The following UBE2D3 variants were observed in gnomAD, a reference collection of about 807,000 sequenced individuals.
The protein encoded by UBE2D3 is ubiquitin conjugating enzyme E2 D3.
In UBE2D3, 2 loss-of-function variants were observed where a neutral mutation model predicts 22.8. The ratio of observed to expected loss-of-function variants is 0.09; its 90% CI spans 0.04 to 0.28. The LOEUF (loss-of-function observed/expected upper bound fraction) is 0.28, where lower values mean the gene tolerates loss of function less well. Ranked by LOEUF, UBE2D3 falls within the 10% of genes least tolerant of loss-of-function variation. UBE2D3 has a pLI of 1.00. For synonymous variants in UBE2D3, 56 were observed against 60.4 expected (o/e 0.93, Z 0.34); for missense variants, 27 against 182.5 (o/e 0.15, Z 4.91).
At chr4:102,853,515 CATT>C (rs1315508075) in intron 1 of UBE2D3, among the ~76,000 whole-genome samples, 2 of 152,160 alleles carry the variant, frequency 1.3e-5, no homozygotes, top group Admixed American at 6.5e-5. Context: ...TAAGGAATCT[CATT>C]ATGGAGTTAC....
intron 1 of UBE2D3, among the ~76,000 whole-genome samples, chr4:102,838,250 A>G (rs969487772): frequency 2.0e-5 from 3 of 152,328 alleles, no homozygotes; most frequent in African/African-American, 7.2e-5. Flanking sequence ...GAGGTATGCT[A>G]TACCTTTTAC....
chr4:102,804,980 C>T (rs1051654897), intron 4 of UBE2D3, among the ~76,000 whole-genome samples: 1 of 152,090 alleles, frequency 6.6e-6, no homozygotes, highest in Non-Finnish European at 1.5e-5. Flanking sequence ...CCACCATGCC[C>T]GGCCCCAAAC....
chr4:102,839,762 C>T (rs1731636025), intron 1 of UBE2D3, among the ~76,000 whole-genome samples: 1 of 152,042 alleles, frequency 6.6e-6, no homozygotes, highest in Admixed American at 6.6e-5. Flanking sequence ...GCTAAGACCT[C>T]AAAAGCACAA....
chr4:102,830,958 G>C (rs1001008556), upstream of UBE2D3, among the ~76,000 whole-genome samples: 1 of 152,146 alleles, frequency 6.6e-6, no homozygotes, highest in Admixed American at 6.5e-5. Flanking sequence ...GTGAGGCCAC[G>C]TTATTATAAT....
chr4:102,849,835 CA>C (rs1732250874), intron 1 of UBE2D3, among the ~76,000 whole-genome samples: 2 of 152,144 alleles, frequency 1.3e-5, no homozygotes, highest in Admixed American at 1.3e-4. Context: ...GGAGCAGTGA[CA>C]GGGGACGGGG....
upstream of UBE2D3, chr4:102,827,584 C>T (rs969645794): frequency 1.0e-6 from 1 of 985,258 alleles, no homozygotes; most frequent in Non-Finnish European, 1.2e-6. Context: ...CCCTCCCCCT[C>T]CTCCTGCCTC....
intron 1 of UBE2D3, among the ~76,000 whole-genome samples, chr4:102,851,455 G>C (rs1199333452): frequency 6.6e-6 from 1 of 152,204 alleles, no homozygotes; most frequent in African/African-American, 2.4e-5. Flanking sequence ...TCACAGTGTG[G>C]TGAGAGAGAA....
intron 1 of UBE2D3, among the ~76,000 whole-genome samples, chr4:102,834,106 A>G (rs1731259256): frequency 6.6e-6 from 1 of 152,158 alleles, no homozygotes; most frequent in Non-Finnish European, 1.5e-5. Context: ...TTTCTTTTTT[A>G]GTGCCAGATC....
chr4:102,828,039 C>G (rs944118282), upstream of UBE2D3: 39 of 985,350 alleles, frequency 4.0e-5, no homozygotes, highest in Admixed American at 6.1e-5. Flanking sequence ...TGCGCTTTTC[C>G]TGACGGGGTT....
upstream of UBE2D3, among the ~76,000 whole-genome samples, chr4:102,829,202 C>T (rs1022802571): frequency 8.5e-5 from 13 of 152,174 alleles, no homozygotes; most frequent in African/African-American, 2.4e-4. Context: ...TGAGAGCCTA[C>T]ATTTCTAACT....
At chr4:102,827,929 C>A, upstream of UBE2D3, 1 of 985,556 alleles carries the variant, frequency 1.0e-6, no homozygotes, top group Non-Finnish European at 1.2e-6. Context: ...CCACAGCGTC[C>A]CCCAGTTTCC....
intron 2 of UBE2D3, among the ~76,000 whole-genome samples, chr4:102,815,763 A>G (rs1728700661): frequency 6.6e-6 from 1 of 152,206 alleles, no homozygotes; most frequent in Non-Finnish European, 1.5e-5. Context: ...CTCTTTAGTA[A>G]TAATCAAAGA....
intron 6 of UBE2D3, 79 bp downstream of exon 6, chr4:102,801,371 TAATA>T: frequency 8.2e-7 from 1 of 1,213,352 alleles, no homozygotes; most frequent in Non-Finnish European, 1.2e-6. Context: ...AAAGCTGCCA[TAATA>T]AAAATACTCA....
intron 5 of UBE2D3, chr4:102,801,794 G>C (rs1726192443): frequency 2.9e-6 from 1 of 341,938 alleles, no homozygotes; most frequent in African/African-American, 2.2e-5. Flanking sequence ...AGTTCTAAAG[G>C]TTACTGTGGC....
At chr4:102,830,689 C>T (rs1354478904), upstream of UBE2D3, among the ~76,000 whole-genome samples, 1 of 152,112 alleles carries the variant, frequency 6.6e-6, no homozygotes, top group Non-Finnish European at 1.5e-5. Flanking sequence ...CATAGGGTGA[C>T]CCAGTCTCTA....
Position 102,799,399 on chromosome 4 carries a change from A to C in UBE2D3, c.398+8T>G, listed in dbSNP as rs766735162. On this transcript the variant is annotated splice_region_variant and intron_variant, in intron 7 of 7. Coordinates refer to ENST00000453744, the MANE Select transcript of UBE2D3 (RefSeq NM_181891.3). The stretch of plus-strand genomic sequence containing the variant: ...ACCACTTTTATAATAACTTTTTAAC[A>C]TACTTACTTATCTCTGTCTGTTTTA... The C allele has an allele frequency of 6.2e-7, 1 of 1,608,532 alleles. No individual in the cohort carries two copies. Among genetic ancestry groups the C allele is most frequent in the East Asian group, 2.2e-5 (1 of 44,792 alleles).
chr4:102,799,178 C>T (rs1057295180), intron 7 of UBE2D3, among the ~76,000 whole-genome samples: 4 of 151,434 alleles, frequency 2.6e-5, no homozygotes, highest in African/African-American at 9.7e-5. Flanking sequence ...TACTGTTTAA[C>T]ACGCTAGGAA....
Position 102,827,416 on chromosome 4 carries a change from C to A in UBE2D3, c.-129+11G>T. 1.0e-6 allele frequency: 1 copy of A among 986,142 alleles called. No individual in the cohort carries two copies. 61.1% of individuals were successfully genotyped at this position (986,142 alleles called of 1,614,324 possible). ...CCCTTCCCTGCCCTAGCCGTCCACACCCACGCGTACAGAGGGGCCGGGGCC... is the reference window on the plus strand; with the variant it reads ...CCCTTCCCTGCCCTAGCCGTCCACAACCACGCGTACAGAGGGGCCGGGGCC... On this transcript the variant is annotated intron_variant, in intron 1 of 7. Transcript: ENST00000453744.
At chr4:102,835,347 T>G (rs922968265) in intron 1 of UBE2D3, among the ~76,000 whole-genome samples, 1 of 152,254 alleles carries the variant, frequency 6.6e-6, no homozygotes, top group Non-Finnish European at 1.5e-5. Context: ...GTATAAGTTA[T>G]ATGCAAATAT....
Sources: allele counts gnomAD v4.1 joint callset (sites outside exome capture counted in the v4.1 genomes callset), GRCh38; gene constraint gnomAD v4.1.1; transcripts MANE v1.5; gene names NCBI Gene and HGNC (gene_info 2026-07-23, HGNC 2026-07-21).